Variants in GFRA1 observed in about 807,000 individuals in gnomAD.
GFRA1 encodes the protein GDNF family receptor alpha 1.
Under a neutral mutation model 51.6 loss-of-function variants are expected in GFRA1, and 16 were observed. The ratio of observed to expected loss-of-function variants is 0.31; its 90% CI spans 0.21 to 0.47. GFRA1 has a LOEUF of 0.47. GFRA1 is among the 20% of genes least tolerant of loss of function. The pLI, the probability that GFRA1 is intolerant of heterozygous loss-of-function variation, is 1.00. For synonymous variants in GFRA1, 270 were observed against 241.3 expected, an observed-to-expected ratio of 1.12 and a Z score of -1.10; for missense variants, 530 against 594.3, an observed-to-expected ratio of 0.89 and a Z score of 1.13.
At chr10:116,228,980 C>CAAAAAAAAAAAAA (rs57618028) in intron 4 of GFRA1, among the ~76,000 whole-genome samples, 9 of 52,868 alleles carry the variant, frequency 1.7e-4, no homozygotes, top group Non-Finnish European at 2.4e-4. Context: ...TACTCCATCT[C>CAAAAAAAAAAAAA]AAAAAAAAAA....
At chr10:116,191,571 G>A (rs1335950030) in intron 5 of GFRA1, among the ~76,000 whole-genome samples, 2 of 151,928 alleles carry the variant, frequency 1.3e-5, no homozygotes, top group African/African-American at 2.4e-5. Flanking sequence ...CAAATTGCCA[G>A]GGGAAAAAAA....
At position 116,060,264 on chromosome 10, in the gene GFRA1, A is replaced by T. The variant is rs1294414805; in HGVS notation, c.*4134T>A. On this transcript the variant is annotated 3_prime_UTR_variant, in exon 11 of 11. Coordinates refer to ENST00000355422, the MANE Select transcript of GFRA1 (RefSeq NM_005264.8). ...TACACTTGAGATATCTATCTTAGGG[A>T]TGAGAGAAAAATGTAGCTTCTAAGG... is the stretch of plus-strand genomic sequence containing the variant. The T allele has an allele frequency of 6.6e-6, 1 of 152,168 alleles. No individual in the cohort carries two copies. Among genetic ancestry groups the T allele is most frequent in the Non-Finnish European group, 1.5e-5 (1 of 68,032 alleles). 9.4% of individuals were successfully genotyped at this position (152,168 alleles called of 1,614,324 possible).
At chr10:116,133,785 T>C (rs998179652) in intron 5 of GFRA1, among the ~76,000 whole-genome samples, 1 of 152,246 alleles carries the variant, frequency 6.6e-6, no homozygotes. Context: ...AGCCCTGACC[T>C]GCAGGCAGAG....
chr10:116,215,431 G>A (rs1021677332), intron 4 of GFRA1, among the ~76,000 whole-genome samples: 5 of 152,100 alleles, frequency 3.3e-5, no homozygotes, highest in African/African-American at 4.8e-5. Flanking sequence ...AAAAGGCCTC[G>A]AATTTGAGTG....
chr10:116,121,325 C>T (rs961543011), intron 6 of GFRA1, among the ~76,000 whole-genome samples: 2 of 152,110 alleles, frequency 1.3e-5, no homozygotes, highest in African/African-American at 2.4e-5. Context: ...TTTGAAATTC[C>T]ATCACACCCT....
At chr10:116,262,784 G>T (rs1243053354) in intron 4 of GFRA1, among the ~76,000 whole-genome samples, 1 of 152,284 alleles carries the variant, frequency 6.6e-6, no homozygotes, top group East Asian at 1.9e-4. Context: ...CTTTGCAGAC[G>T]GAAGCATCTC....
chr10:116,072,228 T>C (rs761846708), intron 9 of GFRA1, among the ~76,000 whole-genome samples: 1 of 152,186 alleles, frequency 6.6e-6, no homozygotes, highest in Non-Finnish European at 1.5e-5. Flanking sequence ...CAAAATATAT[T>C]TGATGACTGT....
intron 5 of GFRA1, among the ~76,000 whole-genome samples, chr10:116,178,784 G>A (rs1401343924): frequency 2.6e-5 from 4 of 152,262 alleles, no homozygotes; most frequent in African/African-American, 9.6e-5. Flanking sequence ...AATACCATCT[G>A]GTCTCTTCTA....
At chr10:116,169,027 G>C (rs990604452) in intron 5 of GFRA1, among the ~76,000 whole-genome samples, 1 of 152,178 alleles carries the variant, frequency 6.6e-6, no homozygotes, top group African/African-American at 2.4e-5. Flanking sequence ...TTTCTCTGCA[G>C]CAAGGGCAGT....
chr10:116,158,561 A>C (rs1959399095), intron 5 of GFRA1, among the ~76,000 whole-genome samples: 1 of 152,192 alleles, frequency 6.6e-6, no homozygotes, highest in Admixed American at 6.5e-5. Flanking sequence ...AGGCCGTGGA[A>C]TGTGGAGTAA....
chr10:116,148,485 G>A (rs1958928700), intron 5 of GFRA1, among the ~76,000 whole-genome samples: 1 of 139,540 alleles, frequency 7.2e-6, no homozygotes, highest in Admixed American at 7.6e-5. Flanking sequence ...TGTGAAGTGG[G>A]GATATGATAA....
At chr10:116,077,824 T>C (rs548602567) in intron 9 of GFRA1, among the ~76,000 whole-genome samples, 14 of 152,350 alleles carry the variant, frequency 9.2e-5, no homozygotes, top group African/African-American at 3.1e-4. Flanking sequence ...TTGTCCTCCA[T>C]GGCAGCTGCC....
chr10:116,226,729 C>T (rs976695695), intron 4 of GFRA1: 2 of 357,160 alleles, frequency 5.6e-6, no homozygotes, highest in Admixed American at 6.3e-5. Flanking sequence ...AATAATTATA[C>T]AACTCACCAT....
chr10:116,211,638 A>G lies in GFRA1; in HGVS notation c.426T>C (p.Phe142=). 1 of 1,550,732 alleles carries G rather than the reference A, an allele frequency of 6.4e-7. No individual in the cohort carries two copies. Among genetic ancestry groups the G allele is most frequent in the Non-Finnish European group, 8.7e-7 (1 of 1,146,170 alleles). The change falls in exon 5 of 11, where the codon TTT becomes TTC. Residue 142 remains phenylalanine (F), a synonymous_variant. Coordinates refer to ENST00000355422, the MANE Select transcript of GFRA1 (RefSeq NM_005264.8). ...AGGAAACAGTGAACTTACCTTGCTG[A>G]AAAACATCTGCCAAGAAAGAAGAAA... ...FRVVPFISDV[F]QQVEHIPKGN...
intron 6 of GFRA1, among the ~76,000 whole-genome samples, chr10:116,097,164 CT>C (rs1262813247): frequency 6.6e-6 from 1 of 152,186 alleles, no homozygotes; most frequent in Non-Finnish European, 1.5e-5. Flanking sequence ...AAAATATTTA[CT>C]TTATACAGAA....
Position 116,089,842 on chromosome 10 carries a change from T to C in GFRA1, c.1096A>G (p.Thr366Ala), listed in dbSNP as rs2072276. The change falls in exon 9 of 11, where the codon ACT becomes GCT. Residue 366 changes from threonine to alanine, a missense_variant. Transcript: ENST00000355422. ...TTAACCCGGAGGGCAGTGGTGGTAG[T>C]GGCAGTGGTGGTCTGTACTGGGAAG... ...PAFPVQTTTA[T>A]TTTALRVKNK... 150,989 of 1,613,376 alleles carry C rather than the reference T, an allele frequency of 0.094. 7,578 individuals carry two copies. Among genetic ancestry groups the C allele is most frequent in the East Asian group, 0.16 (7,012 of 44,854 alleles).
intron 9 of GFRA1, among the ~76,000 whole-genome samples, chr10:116,082,325 C>T (rs1301799157): frequency 6.6e-6 from 1 of 152,118 alleles, no homozygotes; most frequent in Non-Finnish European, 1.5e-5. Flanking sequence ...AAGACCTAGT[C>T]CTTTTATTGC....
chr10:116,213,141 G>A (rs943690769), intron 4 of GFRA1, among the ~76,000 whole-genome samples: 8 of 152,204 alleles, frequency 5.3e-5, no homozygotes, highest in Admixed American at 1.3e-4. Flanking sequence ...TGCATTCCTT[G>A]GCCCAACAAT....
rs1009504812 is a variant in GFRA1, at chr10:116,096,771, T to G, written c.771-7A>C. On this transcript the variant is annotated splice_polypyrimidine_tract_variant and splice_region_variant and intron_variant, in intron 6 of 10. Coordinates refer to ENST00000355422, the MANE Select transcript of GFRA1 (RefSeq NM_005264.8). ...AAAATCCGCAAGGCGAGATCTACAATAGGAAAAAAGGGGTGGGGGGTGGAA... is the reference window on the plus strand; with the variant it reads ...AAAATCCGCAAGGCGAGATCTACAAGAGGAAAAAAGGGGTGGGGGGTGGAA... 4.6e-6 allele frequency: 7 copies of G among 1,534,264 alleles called. No individual in the cohort carries two copies. Among genetic ancestry groups the G allele is most frequent in the Admixed American group, 3.4e-5 (2 of 59,454 alleles).
Sources: allele counts gnomAD v4.1 joint callset (sites outside exome capture counted in the v4.1 genomes callset), GRCh38; gene constraint gnomAD v4.1.1; transcripts MANE v1.5; gene names NCBI Gene and HGNC (gene_info 2026-07-23, HGNC 2026-07-21).